Variants in ARHGAP24 observed in about 807,000 individuals in gnomAD.
ARHGAP24 encodes rho GTPase-activating protein 24.
Under a neutral mutation model 76.4 loss-of-function variants are expected in ARHGAP24, and 50 were observed. The ratio of observed to expected loss-of-function variants is 0.65; its 90% CI spans 0.52 to 0.83. The LOEUF is 0.83. ARHGAP24 is among the 40% of genes least tolerant of loss of function. The probability of loss-of-function intolerance (pLI) is 0.00; values close to 1 mark genes in which losing one functional copy is unlikely to be tolerated. For missense variants in ARHGAP24, 930 were observed against 914.2 expected (o/e 1.02, Z -0.22); for synonymous variants, 345 against 323.3 (o/e 1.07, Z -0.72).
chr4:85,805,285 G>A lies in ARHGAP24; in HGVS notation c.268+83313G>A, dbSNP rs1407488671. ...CCACCCATTCCCCTTGCGTCCTTTCGAAAAGCACTAAAGGCAAAGGTGATA... is the reference window on the plus strand; with the variant it reads ...CCACCCATTCCCCTTGCGTCCTTTCAAAAAGCACTAAAGGCAAAGGTGATA... On this transcript the variant is annotated intron_variant, in intron 3 of 9. Transcript: ENST00000395184. 4.6e-5 allele frequency among the ~76,000 whole-genome samples: 7 copies of A among 152,128 alleles called. No homozygotes were observed. In the East Asian group the frequency reaches 9.6e-4, roughly 21 times the overall value.
chr4:85,739,248 C>G (rs966771416), intron 3 of ARHGAP24, among the ~76,000 whole-genome samples: 1 of 152,172 alleles, frequency 6.6e-6, no homozygotes, highest in Non-Finnish European at 1.5e-5. Context: ...TACCCAGAAC[C>G]CTTCTATGCA....
At chr4:85,497,944 GT>G (rs1322905512) in intron 1 of ARHGAP24, among the ~76,000 whole-genome samples, 3 of 152,202 alleles carry the variant, frequency 2.0e-5, no homozygotes, top group Non-Finnish European at 4.4e-5. Context: ...GTCTCCCTCG[GT>G]GTTCAATTTC....
intron 2 of ARHGAP24, among the ~76,000 whole-genome samples, chr4:85,670,947 C>T (rs2110001530): frequency 6.6e-6 from 1 of 152,246 alleles, no homozygotes; most frequent in Non-Finnish European, 1.5e-5. Context: ...AATTGGAAAT[C>T]TCTGGGATTG....
At chr4:85,827,946 A>T in intron 3 of ARHGAP24, 7 of 1,289,760 alleles carry the variant, frequency 5.4e-6, no homozygotes, top group Non-Finnish European at 7.1e-6. Context: ...TGCATTTGTC[A>T]CTGACCACTG....
rs17010670 is a variant in ARHGAP24 at position 85,714,354 on chromosome 4, A to C, written c.181-7531A>C. 2.5e-3 allele frequency among the ~76,000 whole-genome samples: 388 copies of C among 152,272 alleles called. 4 individuals carry two copies. The highest frequency in any genetic ancestry group is 4.5e-3 in the Non-Finnish European group (306 of 68,002). Reference sequence around the variant, plus strand: ...AATGCTCTCCTGTTAGTCTCCTAGGATCTGAATACCTGTAATATTAAATAA... The same window carrying C: ...AATGCTCTCCTGTTAGTCTCCTAGGCTCTGAATACCTGTAATATTAAATAA... On this transcript the variant is annotated intron_variant, in intron 2 of 9. Transcript: ENST00000395184.
chr4:85,501,176 A>T (rs1402388157), intron 1 of ARHGAP24, among the ~76,000 whole-genome samples: 1 of 152,226 alleles, frequency 6.6e-6, no homozygotes, highest in Admixed American at 6.5e-5. Context: ...ATAGTGCCAC[A>T]ATAAACATAT....
chr4:85,944,103 A>G (rs1408834979), intron 5 of ARHGAP24, among the ~76,000 whole-genome samples: 1 of 152,080 alleles, frequency 6.6e-6, no homozygotes, highest in Non-Finnish European at 1.5e-5. Context: ...CTATTTTTCT[A>G]CGTCCTCTCC....
intron 3 of ARHGAP24, among the ~76,000 whole-genome samples, chr4:85,772,428 T>A (rs1203291632): frequency 1.3e-5 from 2 of 152,234 alleles, no homozygotes; most frequent in African/African-American, 2.4e-5. Context: ...CGGCATTTTC[T>A]CTTGTTTGAG....
At chr4:85,966,973 G>A (rs1274413699) in intron 5 of ARHGAP24, among the ~76,000 whole-genome samples, 1 of 151,992 alleles carries the variant, frequency 6.6e-6, no homozygotes, top group Non-Finnish European at 1.5e-5. Context: ...ATGTTCCAAG[G>A]TTTTGTCTGT....
At chr4:85,925,628 GT>G (rs1735979100) in intron 4 of ARHGAP24, among the ~76,000 whole-genome samples, 1 of 152,092 alleles carries the variant, frequency 6.6e-6, no homozygotes, top group Non-Finnish European at 1.5e-5. Flanking sequence ...TTAGAATATT[GT>G]TATTGTTGTT....
intron 3 of ARHGAP24, among the ~76,000 whole-genome samples, chr4:85,752,219 T>G (rs1235274505): frequency 6.6e-6 from 1 of 152,194 alleles, no homozygotes; most frequent in Non-Finnish European, 1.5e-5. Flanking sequence ...CTGGATAAAC[T>G]GTAATTCAGG....
chr4:85,649,009 A>ATGTGTG (rs1491155144), intron 2 of ARHGAP24, among the ~76,000 whole-genome samples: 513 of 37,402 alleles, frequency 0.014, 1 homozygote, highest in African/African-American at 0.034. Flanking sequence ...GCATTTGTAA[A>ATGTGTG]TATGTGTGTG....
At chr4:85,762,853 A>T (rs1266731124) in intron 3 of ARHGAP24, among the ~76,000 whole-genome samples, 6 of 152,222 alleles carry the variant, frequency 3.9e-5, no homozygotes, top group Non-Finnish European at 8.8e-5. Flanking sequence ...GTGAAGATCA[A>T]CAAGCTTAGA....
chr4:85,782,013 G>A (rs1238028771), intron 3 of ARHGAP24, among the ~76,000 whole-genome samples: 1 of 141,738 alleles, frequency 7.1e-6, no homozygotes, highest in Non-Finnish European at 1.5e-5. Flanking sequence ...CTCCAATATG[G>A]GCAACAGAGT....
chr4:85,528,201 T>A (rs1229212794), intron 1 of ARHGAP24, among the ~76,000 whole-genome samples: 1 of 151,906 alleles, frequency 6.6e-6, no homozygotes, highest in Non-Finnish European at 1.5e-5. Context: ...AAGACAGAGA[T>A]TGGGTCAGAT....
chr4:85,953,890 T>A (rs2148834767), intron 5 of ARHGAP24, among the ~76,000 whole-genome samples: 1 of 152,116 alleles, frequency 6.6e-6, no homozygotes, highest in Admixed American at 6.5e-5. Flanking sequence ...TAAGGAGACG[T>A]AAATAAGCCC....
chr4:85,655,796 G>A (rs796860244), intron 2 of ARHGAP24, among the ~76,000 whole-genome samples: 2 of 44,714 alleles, frequency 4.5e-5, no homozygotes, highest in African/African-American at 1.0e-4. Flanking sequence ...TATATATAGA[G>A]AGAGAGAGAG....
At chr4:85,709,226 G>A (rs1486290936) in intron 2 of ARHGAP24, among the ~76,000 whole-genome samples, 2 of 152,112 alleles carry the variant, frequency 1.3e-5, no homozygotes, top group South Asian at 2.1e-4. Flanking sequence ...ATGCAAAGGT[G>A]CCTGGGAAGT....
chr4:85,925,362 G>C (rs1215096553), intron 4 of ARHGAP24, among the ~76,000 whole-genome samples: 2 of 152,204 alleles, frequency 1.3e-5, no homozygotes, highest in Non-Finnish European at 2.9e-5. Context: ...CACAGTGCTT[G>C]TGCTCAAGAA....
Sources: allele counts gnomAD v4.1 joint callset (sites outside exome capture counted in the v4.1 genomes callset), GRCh38; gene constraint gnomAD v4.1.1; transcripts MANE v1.5; gene names NCBI Gene and HGNC (gene_info 2026-07-23, HGNC 2026-07-21).